Variants in PCDH15 observed in about 807,000 individuals in gnomAD.
PCDH15 encodes protocadherin related 15.
PCDH15 carries 129 observed loss-of-function variants against 178.5 expected under a neutral mutation model. The ratio of observed to expected loss-of-function variants is 0.72; its 90% CI spans 0.63 to 0.84. PCDH15 has a LOEUF of 0.84. Among genes scored for constraint, PCDH15 ranks in the 40% least tolerant of loss-of-function variants. PCDH15 has a pLI of 0.00. For missense variants in PCDH15, 2,230 were observed against 2,099.9 expected (o/e 1.06, Z -1.21); for synonymous variants, 800 against 732.0 (o/e 1.09, Z -1.50).
intron 13 of PCDH15, among the ~76,000 whole-genome samples, chr10:54,180,550 C>T (rs2047890471): frequency 6.6e-6 from 1 of 152,100 alleles, no homozygotes; most frequent in African/African-American, 2.4e-5. Flanking sequence ...ACAAAGTAAA[C>T]TGATGTATCC....
At chr10:55,531,399 T>C (rs1269751360) in intron 2 of PCDH15, among the ~76,000 whole-genome samples, 1 of 152,018 alleles carries the variant, frequency 6.6e-6, no homozygotes, top group Non-Finnish European at 1.5e-5. Flanking sequence ...ATCTTTTACA[T>C]AAATGGCTCT....
At chr10:53,987,498 A>G (rs2091189219) in intron 21 of PCDH15, among the ~76,000 whole-genome samples, 1 of 151,826 alleles carries the variant, frequency 6.6e-6, no homozygotes, top group Non-Finnish European at 1.5e-5. Flanking sequence ...AAAAATGCCT[A>G]GGAAATATAA....
intron 1 of PCDH15, among the ~76,000 whole-genome samples, chr10:55,314,437 C>A (rs976786079): frequency 1.3e-5 from 2 of 151,872 alleles, no homozygotes; most frequent in East Asian, 1.9e-4. Flanking sequence ...CTCCTGAAAC[C>A]CTGGCTCTCA....
intron 2 of PCDH15, among the ~76,000 whole-genome samples, chr10:55,426,031 C>A (rs1251908759): frequency 1.3e-5 from 2 of 152,120 alleles, no homozygotes; most frequent in Non-Finnish European, 2.9e-5. Flanking sequence ...AATAAACCTA[C>A]ACATGGTAAG....
rs149533449 is a variant in PCDH15, at chr10:54,037,535, C to T, written c.2221-14338G>A. ...AAACACTTTAATTAAGGTATGGACA[C>T]TGTTTTTCAGACACAATGCTAATTG... On this transcript the variant is annotated intron_variant, in intron 18 of 37. Coordinates refer to ENST00000644397, the MANE Select transcript of PCDH15 (RefSeq NM_001384140.1). Among the ~76,000 whole-genome samples, 191 of 115,210 alleles carry T rather than the reference C, an allele frequency of 1.7e-3. 3 individuals are homozygous for T. In the East Asian group the frequency reaches 0.032, roughly 19 times the overall value. 75.6% of individuals were successfully genotyped at this position (115,210 alleles called of 152,430 possible).
intron 21 of PCDH15, 48 bp downstream of exon 21, chr10:53,995,601 G>A (rs751797206): frequency 3.1e-6 from 5 of 1,613,276 alleles, no homozygotes; most frequent in South Asian, 1.1e-5. Flanking sequence ...GAGTGTTAAG[G>A]ATTTTTCTCA....
intron 2 of PCDH15, among the ~76,000 whole-genome samples, chr10:55,099,416 A>T (rs1611871): frequency 0.089 from 13,580 of 152,098 alleles, 1,876 homozygotes; most frequent in African/African-American, 0.3. Context: ...AAAAGAAAAA[A>T]ATCTGAACTA....
chr10:54,208,092 G>A (rs954259890), intron 10 of PCDH15, among the ~76,000 whole-genome samples: 2 of 151,804 alleles, frequency 1.3e-5, no homozygotes, highest in Non-Finnish European at 2.9e-5. Context: ...AAAAAAAGGA[G>A]AACACAAAAT....
chr10:55,397,531 T>C (rs1156490523), intron 2 of PCDH15, among the ~76,000 whole-genome samples: 1 of 152,138 alleles, frequency 6.6e-6, no homozygotes, highest in Non-Finnish European at 1.5e-5. Flanking sequence ...AAAAGGACTA[T>C]TTTATTTTAC....
In PCDH15 at chr10:53,846,023, T is replaced by C. The variant is rs1024287942; in HGVS notation, c.3807-5527A>G. 8.2e-5 allele frequency among the ~76,000 whole-genome samples: 12 copies of C among 147,144 alleles called. No homozygotes were observed. In the South Asian group the frequency reaches 1.1e-3, roughly 13 times the overall value. On this transcript the variant is annotated intron_variant, in intron 28 of 37. Transcript: ENST00000644397. ...AGGTTATATCAATAGTGTATGTGTA[T>C]ACACACACACACACACACACACACA...
chr10:55,010,936 A>C (rs1840032561), intron 2 of PCDH15, among the ~76,000 whole-genome samples: 1 of 152,136 alleles, frequency 6.6e-6, no homozygotes, highest in African/African-American at 2.4e-5. Flanking sequence ...AACCCATTCA[A>C]ATAAAACAAA....
At chr10:55,211,068 G>A (rs1840559124) in intron 1 of PCDH15, among the ~76,000 whole-genome samples, 1 of 151,998 alleles carries the variant, frequency 6.6e-6, no homozygotes, top group Non-Finnish European at 1.5e-5. Context: ...TTGAATGGAG[G>A]GAACAGAGAC....
intron 8 of PCDH15, among the ~76,000 whole-genome samples, chr10:54,245,192 T>C (rs547098892): frequency 6.6e-6 from 1 of 152,308 alleles, no homozygotes; most frequent in African/African-American, 2.4e-5. Context: ...CCTTTTTTAT[T>C]GATTTGATTT....
At chr10:55,344,377 T>C (rs1304649582) in intron 2 of PCDH15, among the ~76,000 whole-genome samples, 1 of 151,968 alleles carries the variant, frequency 6.6e-6, no homozygotes, top group Non-Finnish European at 1.5e-5. Context: ...ATAAAATTCA[T>C]GGGGTTCAGG....
At chr10:54,072,159 A>G (rs1739123598) in intron 17 of PCDH15, among the ~76,000 whole-genome samples, 1 of 152,172 alleles carries the variant, frequency 6.6e-6, no homozygotes, top group Admixed American at 6.5e-5. Flanking sequence ...AATCTTCACT[A>G]CTATATCTAA....
At chr10:54,834,841 T>A (rs1953288055) in intron 3 of PCDH15, among the ~76,000 whole-genome samples, 1 of 152,210 alleles carries the variant, frequency 6.6e-6, no homozygotes, top group African/African-American at 2.4e-5. Context: ...ATGTTGTTTC[T>A]AAAAGTGTCT....
At chr10:54,482,560 C>T (rs778886575) in intron 3 of PCDH15, among the ~76,000 whole-genome samples, 8 of 151,714 alleles carry the variant, frequency 5.3e-5, no homozygotes, top group Non-Finnish European at 1.0e-4. Context: ...ATAAGCAATG[C>T]TACTTGCACC....
intron 1 of PCDH15, among the ~76,000 whole-genome samples, chr10:54,753,181 A>C (rs1364016685): frequency 6.6e-6 from 1 of 152,008 alleles, no homozygotes; most frequent in African/African-American, 2.4e-5. Flanking sequence ...AAGAAAATAG[A>C]GACGTGATTT....
chr10:54,128,619 A>G (rs1233329415), intron 15 of PCDH15, among the ~76,000 whole-genome samples: 1 of 152,120 alleles, frequency 6.6e-6, no homozygotes, highest in Non-Finnish European at 1.5e-5. Context: ...AACCTCACCT[A>G]TTTATAAAAT....
Sources: allele counts gnomAD v4.1 joint callset (sites outside exome capture counted in the v4.1 genomes callset), GRCh38; gene constraint gnomAD v4.1.1; transcripts MANE v1.5; gene names NCBI Gene and HGNC (gene_info 2026-07-23, HGNC 2026-07-21).